AUH: variants seen among roughly 807,000 people sequenced by gnomAD.
AUH encodes the protein AU RNA binding methylglutaconyl-CoA hydratase, also known as methylglutaconyl-CoA hydratase, mitochondrial.
In AUH, 29 loss-of-function variants were observed where a neutral mutation model predicts 42.3. That is an observed-to-expected ratio of 0.69 (90% CI 0.51 to 0.93). The LOEUF (loss-of-function observed/expected upper bound fraction) is 0.93. Among genes scored for constraint, AUH ranks in the 40% least tolerant of loss-of-function variants. The pLI, the probability that AUH is intolerant of heterozygous loss-of-function variation, is 0.00. For missense variants in AUH, 452 were observed against 438.1 expected, an observed-to-expected ratio of 1.03 and a Z score of -0.28; for synonymous variants, 174 against 166.4, an observed-to-expected ratio of 1.05 and a Z score of -0.35.
At chr9:91,356,180 A>C in intron 1 of AUH, 25 bp from the exon 2 acceptor site, 1 of 1,602,744 alleles carries the variant, frequency 6.2e-7, no homozygotes, top group Non-Finnish European at 8.5e-7. Flanking sequence ...AAAAAAGTAC[A>C]AGCACTTGAG....
intron 4 of AUH, among the ~76,000 whole-genome samples, chr9:91,313,457 G>C (rs1025368444): frequency 6.6e-6 from 1 of 152,082 alleles, no homozygotes; most frequent in Non-Finnish European, 1.5e-5. Flanking sequence ...TGTAATCCCA[G>C]CACTTTGGGA....
At chr9:91,217,857 C>T (rs1306255989) in intron 7 of AUH, among the ~76,000 whole-genome samples, 2 of 152,132 alleles carry the variant, frequency 1.3e-5, no homozygotes, top group East Asian at 3.9e-4. Flanking sequence ...TCCCACAGCA[C>T]ACATAAATAT....
chr9:91,278,719 G>A (rs1429577878), intron 6 of AUH, among the ~76,000 whole-genome samples: 1 of 152,130 alleles, frequency 6.6e-6, no homozygotes, highest in Admixed American at 6.5e-5. Context: ...TTCCAGCCAA[G>A]ATAGGGTAGC....
chr9:91,251,546 T>C (rs551851090), intron 6 of AUH, among the ~76,000 whole-genome samples: 1 of 152,186 alleles, frequency 6.6e-6, no homozygotes, highest in Non-Finnish European at 1.5e-5. Flanking sequence ...GTATTCATTA[T>C]AAAAGCCAGA....
At chr9:91,305,397 C>T (rs73497172) in intron 4 of AUH, among the ~76,000 whole-genome samples, 1,633 of 152,270 alleles carry the variant, frequency 0.011, 31 homozygotes, top group African/African-American at 0.037. Context: ...TGACACTTCA[C>T]GTCTCAACAA....
At chr9:91,312,724 T>A (rs978326511) in intron 4 of AUH, among the ~76,000 whole-genome samples, 4 of 152,060 alleles carry the variant, frequency 2.6e-5, no homozygotes, top group African/African-American at 9.7e-5. Flanking sequence ...GGACCCTATC[T>A]TTTTTTTAAA....
chr9:91,280,098 C>T (rs1467789382), intron 6 of AUH, among the ~76,000 whole-genome samples: 1 of 152,306 alleles, frequency 6.6e-6, no homozygotes, highest in Middle Eastern at 3.4e-3. Context: ...AAAAAGCAGT[C>T]ACCAAACTGG....
chr9:91,230,329 C>T (rs1419470578), intron 6 of AUH, among the ~76,000 whole-genome samples: 1 of 152,206 alleles, frequency 6.6e-6, no homozygotes, highest in Non-Finnish European at 1.5e-5. Flanking sequence ...GATACCTTTT[C>T]TTCCAGTTGA....
At chr9:91,343,056 A>G (rs571177293) in intron 3 of AUH, 1 of 152,336 alleles carries the variant, frequency 6.6e-6, no homozygotes, top group South Asian at 2.1e-4. Context: ...ATAACATACA[A>G]AATGTTTGTT....
chr9:91,269,708 C>T (rs1824957461), intron 6 of AUH, among the ~76,000 whole-genome samples: 1 of 152,146 alleles, frequency 6.6e-6, no homozygotes, highest in African/African-American at 2.4e-5. Context: ...TTTAATAAAA[C>T]TACATGATAC....
chr9:91,217,217 CATTTAAA>C (rs1329168495), intron 8 of AUH, 53 bp downstream of exon 8: 2 of 1,504,606 alleles, frequency 1.3e-6, no homozygotes, highest in Non-Finnish European at 9.2e-7. Flanking sequence ...AAACATGGTT[CATTTAAA>C]TTAAATCTCC....
rs776409546 is a variant in AUH at position 91,325,324 on chromosome 9, C to G, written c.499G>C (p.Asp167His). The G allele has an allele frequency of 1.7e-5, 28 of 1,613,010 alleles. No homozygotes were observed. The highest frequency in any genetic ancestry group is 2.3e-5 in the Non-Finnish European group (27 of 1,179,254). The change falls in exon 4 of 10, where the codon GAT becomes CAT. Residue 167 changes from aspartate to histidine, a missense_variant. By Grantham distance (81) the Asp-to-His change is moderately conservative. Coordinates refer to ENST00000375731, the MANE Select transcript of AUH (RefSeq NM_001698.3). ...FVSKIRAVIN[D>H]IANLPVPTIA... ...AGAACTTAATAGTGCTTACCAATAT[C>G]GTTAATCACTGCTCTTATTTTGGAG...
intron 6 of AUH, among the ~76,000 whole-genome samples, chr9:91,268,078 A>C (rs1020211489): frequency 6.6e-6 from 1 of 152,180 alleles, no homozygotes; most frequent in Non-Finnish European, 1.5e-5. Context: ...ACCAGACTAA[A>C]ACCCCACAGA....
chr9:91,258,199 G>A (rs1170351764), intron 6 of AUH, among the ~76,000 whole-genome samples: 1 of 152,148 alleles, frequency 6.6e-6, no homozygotes, highest in Non-Finnish European at 1.5e-5. Context: ...TGTGAAGACA[G>A]TGTTTAAATT....
chr9:91,281,063 T>C (rs1024538182), intron 6 of AUH, among the ~76,000 whole-genome samples: 6 of 152,116 alleles, frequency 3.9e-5, no homozygotes, highest in Non-Finnish European at 8.8e-5. Flanking sequence ...TTCACCAAAT[T>C]AGGAAAGTTT....
chr9:91,361,786 C>T lies in AUH; in HGVS notation c.104G>A (p.Arg35Lys). 1.3e-6 allele frequency: 2 copies of T among 1,543,040 alleles called. No homozygotes were observed. Among genetic ancestry groups the T allele is most frequent in the African/African-American group, 1.4e-5 (1 of 72,222 alleles). The part of the protein sequence containing the change: ...ACSAWLCPGL[R>K]LPGSLAGRRA... The stretch of plus-strand genomic sequence containing the variant: ...CCGGCCTGCCAACGAGCCGGGCAGC[C>T]TCAACCCCGGGCAGAGCCACGCACT... Residue 35 changes from arginine (R) to lysine (K), a missense_variant, in exon 1 of 10, where the codon AGG (arginine) becomes AAG (lysine). Coordinates refer to ENST00000375731, the MANE Select transcript of AUH (RefSeq NM_001698.3).
intron 6 of AUH, among the ~76,000 whole-genome samples, chr9:91,232,929 C>G (rs1324943619): frequency 1.3e-5 from 2 of 152,182 alleles, no homozygotes; most frequent in African/African-American, 4.8e-5. Flanking sequence ...TAAGTAATTG[C>G]AATCATCACC....
intron 3 of AUH, among the ~76,000 whole-genome samples, chr9:91,335,813 G>A (rs895221732): frequency 2.0e-5 from 3 of 152,144 alleles, no homozygotes; most frequent in African/African-American, 4.8e-5. Flanking sequence ...TTCTAATTAC[G>A]TTTTTTGTTA....
chr9:91,340,634 G>GCCC, intron 3 of AUH, among the ~76,000 whole-genome samples: 2 of 152,126 alleles, frequency 1.3e-5, no homozygotes, highest in South Asian at 4.2e-4. Flanking sequence ...CTCAAACTAT[G>GCCC]AGTTGTACAA....
Sources: gnomAD v4.1 joint callset for allele counts (sites outside exome capture counted in the v4.1 genomes callset) on GRCh38, gnomAD v4.1.1 for gene constraint, MANE v1.5 for transcripts, NCBI Gene and HGNC (gene_info 2026-07-23, HGNC 2026-07-21) for gene names.